Variants in GLI2 observed in about 807,000 individuals in gnomAD.
GLI2 encodes the protein GLI family zinc finger 2, also known as transcription activator GLI2.
GLI2 carries 22 observed loss-of-function variants against 78.9 expected under a neutral mutation model. The ratio of observed to expected loss-of-function variants is 0.28; its 90% CI spans 0.20 to 0.40. The LOEUF (loss-of-function observed/expected upper bound fraction) is 0.40, where lower values mean the gene tolerates loss of function less well. Among genes scored for constraint, GLI2 ranks in the 10% least tolerant of loss-of-function variants. The probability of loss-of-function intolerance (pLI) is 1.00; values close to 1 mark genes in which losing one functional copy is unlikely to be tolerated. For synonymous variants in GLI2, 974 were observed against 963.7 expected (o/e 1.01, Z -0.20); for missense variants, 2,097 against 2,213.2 (o/e 0.95, Z 1.05).
chr2:120,842,090 C>T (rs1017408873), intron 2 of GLI2, among the ~76,000 whole-genome samples: 3 of 141,800 alleles, frequency 2.1e-5, no homozygotes, highest in South Asian at 2.3e-4. Flanking sequence ...GACTTCTTTG[C>T]TTAAAGTTGA....
At chr2:120,797,877 C>T (rs13423474) in intron 2 of GLI2, among the ~76,000 whole-genome samples, 4,972 of 152,274 alleles carry the variant, frequency 0.033, 270 homozygotes, top group African/African-American at 0.11. Context: ...TCTCCTGATG[C>T]CTTCTGGCTC....
At chr2:120,765,714 C>T (rs1402235807) in intron 1 of GLI2, among the ~76,000 whole-genome samples, 1 of 152,250 alleles carries the variant, frequency 6.6e-6, no homozygotes, top group Non-Finnish European at 1.5e-5. Flanking sequence ...GGAGATTCTG[C>T]AGGGTGGGAT....
chr2:120,737,616 G>A lies in GLI2; in HGVS notation c.-31+1331G>A, dbSNP rs1413928984. On this transcript the variant is annotated intron_variant, in intron 1 of 13. Transcript: ENST00000361492. This position sits in a 1 kb window ranked among gnomAD's most constrained non-coding sequence, Gnocchi z 4.3. ...GCACGGGCTTTGCAGCTCGGTGGCC[G>A]CAGCGGTGTCCCGGGCCCCCTCTCC... Among the ~76,000 whole-genome samples, 3 of 152,110 alleles carry A rather than the reference G, an allele frequency of 2.0e-5. No individual in the cohort carries two copies. Among genetic ancestry groups the A allele is most frequent in the African/African-American group, 7.2e-5 (3 of 41,416 alleles).
intron 1 of GLI2, among the ~76,000 whole-genome samples, chr2:120,769,140 A>G (rs959816057): frequency 1.3e-5 from 2 of 152,190 alleles, no homozygotes; most frequent in African/African-American, 4.8e-5. Context: ...GCTCACCTCC[A>G]GAATCCACTC....
intron 5 of GLI2, among the ~76,000 whole-genome samples, chr2:120,959,599 A>G (rs1681443401): frequency 1.3e-5 from 2 of 152,192 alleles, no homozygotes; most frequent in Non-Finnish European, 2.9e-5. Context: ...TTACTCACGT[A>G]TGTCTCTAAG....
intron 2 of GLI2, among the ~76,000 whole-genome samples, chr2:120,808,865 G>A (rs1160434492): frequency 3.3e-5 from 5 of 152,180 alleles, no homozygotes; most frequent in Admixed American, 3.3e-4. Context: ...TTGCCTGAAA[G>A]CACCTGAGGC....
At chr2:120,788,860 A>G (rs1684068435) in intron 1 of GLI2, among the ~76,000 whole-genome samples, 1 of 152,018 alleles carries the variant, frequency 6.6e-6, no homozygotes, top group Admixed American at 6.5e-5. Context: ...ATCCCCTGAA[A>G]GAGGTGGGGA....
intron 3 of GLI2, among the ~76,000 whole-genome samples, chr2:120,938,745 A>G (rs1195530812): frequency 6.6e-6 from 1 of 152,152 alleles, no homozygotes; most frequent in Non-Finnish European, 1.5e-5. Flanking sequence ...GACAACAGAT[A>G]GATGTTGTGG....
chr2:120,918,420 A>G (rs922323636), intron 2 of GLI2, among the ~76,000 whole-genome samples: 7 of 150,506 alleles, frequency 4.7e-5, no homozygotes, highest in African/African-American at 1.7e-4. Context: ...TTTCTACTCT[A>G]TGGACACCAT....
At chr2:120,798,373 G>A (rs971564951) in intron 2 of GLI2, among the ~76,000 whole-genome samples, 2 of 152,330 alleles carry the variant, frequency 1.3e-5, no homozygotes, top group African/African-American at 4.8e-5. Context: ...CTGCATTTCT[G>A]TTGGGTGCCA....
At chr2:120,803,497 G>C (rs1217673539) in intron 2 of GLI2, among the ~76,000 whole-genome samples, 1 of 152,186 alleles carries the variant, frequency 6.6e-6, no homozygotes, top group African/African-American at 2.4e-5. Context: ...GGTAACCCTT[G>C]CCTGCTGACC....
intron 2 of GLI2, among the ~76,000 whole-genome samples, chr2:120,907,924 T>C (rs1199107072): frequency 6.6e-6 from 1 of 152,252 alleles, no homozygotes; most frequent in Non-Finnish European, 1.5e-5. Flanking sequence ...GCAATCTTAC[T>C]ATCAGGAACG....
chr2:120,850,901 G>A (rs1169368228), intron 2 of GLI2, among the ~76,000 whole-genome samples: 7 of 152,164 alleles, frequency 4.6e-5, no homozygotes, highest in Admixed American at 1.3e-4. Flanking sequence ...GAATCAAAAC[G>A]TGGTATTTTA....
chr2:120,807,847 C>T (rs1208540229), intron 2 of GLI2, among the ~76,000 whole-genome samples: 1 of 150,848 alleles, frequency 6.6e-6, no homozygotes, highest in Non-Finnish European at 1.5e-5. Flanking sequence ...GCTTGGACCA[C>T]CCCCCCACAC....
At chr2:120,909,156 C>T (rs557796171) in intron 2 of GLI2, among the ~76,000 whole-genome samples, 129 of 152,282 alleles carry the variant, frequency 8.5e-4, no homozygotes, top group Non-Finnish European at 1.2e-3. Context: ...ATGCACCCTC[C>T]GCCTTTTGGC....
chr2:120,943,986 TCTC>T (rs1212611456), intron 3 of GLI2, among the ~76,000 whole-genome samples: 1 of 151,964 alleles, frequency 6.6e-6, no homozygotes, highest in African/African-American at 2.4e-5. Flanking sequence ...TGCCCTCCTT[TCTC>T]CTCCCCAGCC....
At chr2:120,880,353 C>T (rs570307020) in intron 2 of GLI2, among the ~76,000 whole-genome samples, 2 of 152,254 alleles carry the variant, frequency 1.3e-5, no homozygotes, top group South Asian at 4.2e-4. Context: ...ACTTTTCATT[C>T]AGGTTTAAGG....
intron 2 of GLI2, among the ~76,000 whole-genome samples, chr2:120,870,032 C>G (rs1340384114): frequency 6.6e-6 from 1 of 152,140 alleles, no homozygotes; most frequent in East Asian, 1.9e-4. Context: ...GGCTAATATA[C>G]AGTAATGGCT....
At chr2:120,870,925 C>T (rs1306723699) in intron 2 of GLI2, among the ~76,000 whole-genome samples, 1 of 152,186 alleles carries the variant, frequency 6.6e-6, no homozygotes, top group Non-Finnish European at 1.5e-5. Flanking sequence ...GCCACAGAAA[C>T]TCAAAGTTAG....
Sources: allele counts gnomAD v4.1 joint callset (sites outside exome capture counted in the v4.1 genomes callset), GRCh38; gene constraint gnomAD v4.1.1; non-coding constraint Gnocchi (gnomAD v3.1); transcripts MANE v1.5; gene names NCBI Gene and HGNC (gene_info 2026-07-23, HGNC 2026-07-21).